The following B4GALNT3 variants were observed in gnomAD, a reference collection of about 807,000 sequenced individuals.
B4GALNT3 encodes beta-1,4-N-acetylgalactosaminyltransferase 3.
B4GALNT3 carries 86 observed loss-of-function variants against 120.2 expected under a neutral mutation model. The ratio of observed to expected loss-of-function variants is 0.72; its 90% CI spans 0.60 to 0.86. The LOEUF is 0.86. Among genes scored for constraint, B4GALNT3 ranks in the 40% least tolerant of loss-of-function variants. B4GALNT3 has a pLI of 0.00. For synonymous variants in B4GALNT3, 518 were observed against 510.4 expected (o/e 1.01, Z -0.20); for missense variants, 1,167 against 1,298.9 (o/e 0.90, Z 1.56).
At chr12:551,300 G>A (rs1242228214) in intron 11 of B4GALNT3, among the ~76,000 whole-genome samples, 4 of 152,218 alleles carry the variant, frequency 2.6e-5, no homozygotes, top group African/African-American at 9.6e-5. Flanking sequence ...GATGATATCA[G>A]GTGGCCTGGC....
chr12:480,332 C>G (rs983723268), intron 1 of B4GALNT3, among the ~76,000 whole-genome samples: 1 of 152,084 alleles, frequency 6.6e-6, no homozygotes, highest in Non-Finnish European at 1.5e-5. Context: ...TGTGTGGGGT[C>G]CAGTCTTGGT....
At chr12:484,826 G>A (rs1263147873) in intron 1 of B4GALNT3, among the ~76,000 whole-genome samples, 3 of 151,526 alleles carry the variant, frequency 2.0e-5, no homozygotes, top group African/African-American at 7.3e-5. Flanking sequence ...CACTCGTTTT[G>A]GTTTGGAGGA....
chr12:500,397 C>A (rs11063292), intron 1 of B4GALNT3, among the ~76,000 whole-genome samples: 10,890 of 152,250 alleles, frequency 0.072, 974 homozygotes, highest in African/African-American at 0.21. Context: ...GGGAGGATCA[C>A]ATCTAAGGTT....
At chr12:486,147 CT>C (rs1262352900) in intron 1 of B4GALNT3, among the ~76,000 whole-genome samples, 1 of 151,946 alleles carries the variant, frequency 6.6e-6, no homozygotes, top group Non-Finnish European at 1.5e-5. Flanking sequence ...GAAAAATCCC[CT>C]TCTACTTCCA....
At chr12:470,284 C>T (rs1254603337) in intron 1 of B4GALNT3, among the ~76,000 whole-genome samples, 1 of 152,214 alleles carries the variant, frequency 6.6e-6, no homozygotes, top group African/African-American at 2.4e-5. Context: ...ACATGGTCTC[C>T]GTACAAGCAG....
At chr12:480,733 C>T (rs1047554515) in intron 1 of B4GALNT3, among the ~76,000 whole-genome samples, 30 of 152,144 alleles carry the variant, frequency 2.0e-4, no homozygotes, top group African/African-American at 7.2e-4. Context: ...AAAGGGTGGG[C>T]TCCATAGGCG....
intron 4 of B4GALNT3, 106 bp from the exon 5 acceptor site, chr12:544,776 C>T (rs1202021927): frequency 8.9e-7 from 1 of 1,118,428 alleles, no homozygotes; most frequent in African/African-American, 1.6e-5. Flanking sequence ...AGCCACAGCC[C>T]TGGTCCCTCC....
chr12:490,418 C>G lies in B4GALNT3; in HGVS notation c.169+29873C>G, dbSNP rs1026835937. Among the ~76,000 whole-genome samples the G allele has an allele frequency of 7.2e-5, 11 of 152,080 alleles. No individual in the cohort carries two copies. In the East Asian group the frequency reaches 1.2e-3, roughly 16 times the overall value. On this transcript the variant is annotated intron_variant, in intron 1 of 19. Coordinates refer to ENST00000266383, the MANE Select transcript of B4GALNT3 (RefSeq NM_173593.4). ...TGAAAGAGGAGACATCACTACAGAT[C>G]TCATGGACATTAAAAGTATAATAAA...
At chr12:541,839 TC>T (rs1946919920) in intron 3 of B4GALNT3, among the ~76,000 whole-genome samples, 1 of 43,006 alleles carries the variant, frequency 2.3e-5, no homozygotes, top group African/African-American at 9.9e-5. Context: ...GTCCCCCCCC[TC>T]ACCCCCCCCC....
rs537445197 is a variant in B4GALNT3, at chr12:472,204, T to C, written c.169+11659T>C. 8.5e-5 allele frequency among the ~76,000 whole-genome samples: 13 copies of C among 152,328 alleles called. No homozygotes were observed. In the East Asian group the frequency reaches 2.1e-3, roughly 25 times the overall value. ...AGATGAAATGGTAGTTGCAACCTCA[T>C]TGTGGACTCTCCTGAGGGCCAGGTT... On this transcript the variant is annotated intron_variant, in intron 1 of 19. Transcript: ENST00000266383.
chr12:502,520 C>T (rs888639670), intron 1 of B4GALNT3, among the ~76,000 whole-genome samples: 6 of 150,556 alleles, frequency 4.0e-5, no homozygotes, highest in Non-Finnish European at 5.9e-5. Context: ...TGTTAAGAGA[C>T]GGATACAAAG....
At chr12:484,197 C>T (rs1946267795) in intron 1 of B4GALNT3, among the ~76,000 whole-genome samples, 2 of 152,212 alleles carry the variant, frequency 1.3e-5, no homozygotes, top group East Asian at 3.8e-4. Context: ...TGCCTCCCTG[C>T]TCTTAGCATC....
At chr12:465,695 A>G (rs1946071278) in intron 1 of B4GALNT3, among the ~76,000 whole-genome samples, 2 of 152,018 alleles carry the variant, frequency 1.3e-5, no homozygotes, top group Non-Finnish European at 2.9e-5. Flanking sequence ...TACCCTGCCT[A>G]CTACCCAGGG....
intron 3 of B4GALNT3, chr12:543,073 T>C (rs2120685363): frequency 7.9e-7 from 1 of 1,269,528 alleles, no homozygotes; most frequent in Non-Finnish European, 1.0e-6. Flanking sequence ...ACAACCATTG[T>C]CCCCGTTGCC....
intron 1 of B4GALNT3, among the ~76,000 whole-genome samples, chr12:462,458 G>T (rs77932389): frequency 2.7e-5 from 4 of 150,392 alleles, no homozygotes; most frequent in Non-Finnish European, 5.9e-5. Context: ...CCCGTGGGCC[G>T]CCTCATTCCG....
At chr12:529,751 T>C (rs2120647946) in intron 1 of B4GALNT3, among the ~76,000 whole-genome samples, 1 of 142,444 alleles carries the variant, frequency 7.0e-6, no homozygotes, top group East Asian at 2.1e-4. Flanking sequence ...CATCCTGCCG[T>C]GTACCTTCGG....
intron 14 of B4GALNT3, among the ~76,000 whole-genome samples, chr12:554,944 G>A (rs537021748): frequency 7.9e-5 from 12 of 152,150 alleles, no homozygotes; most frequent in South Asian, 2.1e-4. Context: ...TTGGGAGACC[G>A]GGGTAGGTGG....
At chr12:485,281 G>A (rs971489513) in intron 1 of B4GALNT3, among the ~76,000 whole-genome samples, 2 of 152,222 alleles carry the variant, frequency 1.3e-5, no homozygotes, top group African/African-American at 4.8e-5. Flanking sequence ...TGAGAAGAAA[G>A]ATGTACTTAC....
In B4GALNT3 at chr12:547,155, C is replaced by CGGGTGTTGCT. The variant is rs1555158603; in HGVS notation, c.707+445_707+446insTGTTGCTGGG. The stretch of plus-strand genomic sequence containing the variant: ...CGCGCGCTCACGCAGGCGGGAAGAG[C>CGGGTGTTGCT]GGGCGTTGCTGGGCGTTGCTGGACG... On this transcript the variant is annotated intron_variant, in intron 7 of 19. Transcript: ENST00000266383. 1.3e-4 allele frequency among the ~76,000 whole-genome samples: 19 copies of CGGGTGTTGCT among 151,464 alleles called. 1 individual carries two copies. The highest frequency in any genetic ancestry group is 3.9e-4 in the African/African-American group (16 of 41,282).
Sources: gnomAD v4.1 joint callset for allele counts (sites outside exome capture counted in the v4.1 genomes callset) on GRCh38, gnomAD v4.1.1 for gene constraint, MANE v1.5 for transcripts, NCBI Gene and HGNC (gene_info 2026-07-23, HGNC 2026-07-21) for gene names.